Variants in ZC3H6 observed in about 807,000 individuals in gnomAD.
The protein encoded by ZC3H6 is zinc finger CCCH-type containing 6, also known as zinc finger CCCH domain-containing protein 6.
A neutral mutation model predicts 107.7 loss-of-function variants in ZC3H6; 40 were observed. The observed-to-expected ratio is 0.37, with a 90% CI of 0.29 to 0.48. The LOEUF is 0.48. Ranked by LOEUF, ZC3H6 falls within the 20% of genes least tolerant of loss-of-function variation. The probability of loss-of-function intolerance (pLI) is 0.98; values close to 1 mark genes in which losing one functional copy is unlikely to be tolerated. For synonymous variants in ZC3H6, 493 were observed against 487.9 expected, an observed-to-expected ratio of 1.01 and a Z score of -0.14; for missense variants, 1,267 against 1,410.4, an observed-to-expected ratio of 0.90 and a Z score of 1.63.
chr2:112,308,457 C>T (rs556545670), intron 3 of ZC3H6, among the ~76,000 whole-genome samples: 2 of 141,266 alleles, frequency 1.4e-5, no homozygotes, highest in African/African-American at 5.8e-5. Flanking sequence ...GACAGGTTCT[C>T]ACTGTGTCAC....
At chr2:112,279,999 C>G (rs1686498254) in intron 1 of ZC3H6, among the ~76,000 whole-genome samples, 1 of 152,214 alleles carries the variant, frequency 6.6e-6, no homozygotes, top group Admixed American at 6.5e-5. Context: ...GAGAGCCCTT[C>G]ATTTTGAATA....
intron 10 of ZC3H6, 90 bp downstream of exon 10, chr2:112,324,753 T>A: frequency 7.7e-7 from 1 of 1,297,200 alleles, no homozygotes. Flanking sequence ...AAGTTTTAAG[T>A]AAAGCTGAGT....
At chr2:112,284,106 C>A (rs2104693149) in intron 1 of ZC3H6, among the ~76,000 whole-genome samples, 1 of 152,264 alleles carries the variant, frequency 6.6e-6, no homozygotes, top group African/African-American at 2.4e-5. Context: ...ATGGATTTTT[C>A]TTGATTATTG....
At chr2:112,291,150 T>C (rs1178421372) in intron 1 of ZC3H6, among the ~76,000 whole-genome samples, 3 of 152,294 alleles carry the variant, frequency 2.0e-5, no homozygotes, top group African/African-American at 7.2e-5. Flanking sequence ...CTGTGTAAGC[T>C]AATCTCAGTT....
chr2:112,289,322 C>CT lies in ZC3H6; in HGVS notation c.33-10510dup, dbSNP rs1228912169. On this transcript the variant is annotated intron_variant, in intron 1 of 11. Transcript: ENST00000409871. The stretch of plus-strand genomic sequence containing the variant: ...CCCTGAACACTTTTTTTTTCTTTTT[C>CT]TTTTTTTTTTTTTTTTTGAGATGGA... Among the ~76,000 whole-genome samples, 299 of 65,418 alleles carry CT rather than the reference C, an allele frequency of 4.6e-3. 3 individuals are homozygous for CT. Among genetic ancestry groups the CT allele is most frequent in the East Asian group, 0.014 (26 of 1,820 alleles). The allele number at this position is 65,418 out of a possible 152,430, so 42.9% of individuals were successfully genotyped here.
chr2:112,319,228 A>C (rs1676755853), intron 7 of ZC3H6, among the ~76,000 whole-genome samples: 1 of 152,186 alleles, frequency 6.6e-6, no homozygotes, highest in Non-Finnish European at 1.5e-5. Context: ...CTGGCCAGGC[A>C]TGGTAGGTCA....
chr2:112,276,290 C>G (rs1686421017), intron 1 of ZC3H6, among the ~76,000 whole-genome samples: 1 of 149,928 alleles, frequency 6.7e-6, no homozygotes, highest in African/African-American at 2.4e-5. Flanking sequence ...CCCCCGCCCC[C>G]CGGGCGGGCT....
intron 1 of ZC3H6, among the ~76,000 whole-genome samples, chr2:112,289,327 T>TC (rs150113655): frequency 0.1 from 14,473 of 144,052 alleles, 502 homozygotes; most frequent in Non-Finnish European, 0.15. Flanking sequence ...TTTTTCTTTT[T>TC]TTTTTTTTTT....
In ZC3H6 at chr2:112,326,681, C is replaced by T. The variant is rs557966138; in HGVS notation, c.2086+1484C>T. On this transcript the variant is annotated intron_variant, in intron 11 of 11. Coordinates refer to ENST00000409871, the MANE Select transcript of ZC3H6 (RefSeq NM_198581.3). ...AGGCTGGGATTCAGTGACACGATCT[C>T]GGCTCACTGCAACCTCTCCCTCCCA... Among the ~76,000 whole-genome samples the T allele has an allele frequency of 8.5e-5, 13 of 152,216 alleles. No individual in the cohort carries two copies. The East Asian group carries it at 9.7e-4, about 11-fold the overall frequency.
intron 5 of ZC3H6, among the ~76,000 whole-genome samples, chr2:112,315,174 T>A (rs1676674514): frequency 6.6e-6 from 1 of 152,064 alleles, no homozygotes. Flanking sequence ...TGAAAAATAA[T>A]GTTGTTTTTT....
Position 112,324,430 on chromosome 2 carries a change from C to T in ZC3H6, c.1619C>T (p.Thr540Ile). 6.2e-7 allele frequency: 1 copy of T among 1,614,012 alleles called. No homozygotes were observed. Among genetic ancestry groups the T allele is most frequent in the South Asian group, 1.1e-5 (1 of 91,078 alleles). Residue 540 changes from threonine to isoleucine, a missense_variant, in exon 10 of 12, where the codon ACA becomes ATA. Transcript: ENST00000409871. ...NQAGVLVQPD[T>I]SLTPPSMGGA... ...GCTGGAGTGCTTGTTCAACCAGACA[C>T]ATCTTTGACACCACCAAGTATGGGT...
At chr2:112,309,777 C>G in intron 3 of ZC3H6, 108 bp from the exon 4 acceptor site, 1 of 1,113,248 alleles carries the variant, frequency 9.0e-7, no homozygotes, top group East Asian at 2.6e-5. Context: ...TAATAACTGT[C>G]TTTTCTCCTT....
chr2:112,310,883 A>G (rs1006602502), intron 4 of ZC3H6, among the ~76,000 whole-genome samples: 5 of 152,322 alleles, frequency 3.3e-5, no homozygotes, highest in Middle Eastern at 3.4e-3. Context: ...GGTTATTTCT[A>G]TGACTTTATT....
chr2:112,288,561 A>T (rs1459234675), intron 1 of ZC3H6, among the ~76,000 whole-genome samples: 2 of 152,226 alleles, frequency 1.3e-5, no homozygotes, highest in Admixed American at 6.5e-5. Flanking sequence ...GTTCATGTTC[A>T]TATAGGTAGT....
rs533530469 is a variant in ZC3H6, at chr2:112,331,972, C to A, written c.3054C>A (p.Ser1018=). ...PSGAGTSNSG[S]GALPPYAPKL... ...GGGCAGGAACTAGCAATTCTGGTTC[C>A]GGGGCTCTGCCTCCATATGCCCCTA... The change falls in exon 12 of 12, where the codon TCC becomes TCA. Residue 1018 remains serine (S), a synonymous_variant. Coordinates refer to ENST00000409871, the MANE Select transcript of ZC3H6 (RefSeq NM_198581.3). 1 of 1,613,980 alleles carries A rather than the reference C, an allele frequency of 6.2e-7. No homozygotes were observed. The highest frequency in any genetic ancestry group is 2.2e-5 in the East Asian group (1 of 44,876).
rs1302814553 is a variant in ZC3H6 at position 112,331,417 on chromosome 2, A to C, written c.2499A>C (p.Arg833Ser). 3 of 1,613,690 alleles carry C rather than the reference A, an allele frequency of 1.9e-6. No individual in the cohort carries two copies. The highest frequency in any genetic ancestry group is 2.5e-6 in the Non-Finnish European group (3 of 1,179,830). The change falls in exon 12 of 12, where the codon AGA becomes AGC. Residue 833 changes from arginine to serine, a missense_variant. Physicochemically the swap from Arg to Ser is moderately radical, Grantham distance 110. This residue lies in a region of ZC3H6 where 925 missense variants were observed against 1,025.7 expected (regional missense o/e 0.90). Coordinates refer to ENST00000409871, the MANE Select transcript of ZC3H6 (RefSeq NM_198581.3). Reference sequence around the variant, plus strand: ...ATGAAGATACAGAAAGAGAACTGAGAGAAAAAGCTTTCTTAATACCTTTGG... The same window carrying C: ...ATGAAGATACAGAAAGAGAACTGAGCGAAAAAGCTTTCTTAATACCTTTGG... ...DDDEDTERELREKAFLIPLDA... is the reference protein window; with the variant it reads ...DDDEDTERELSEKAFLIPLDA...
intron 5 of ZC3H6, among the ~76,000 whole-genome samples, chr2:112,313,861 G>A (rs963670023): frequency 3.9e-5 from 6 of 152,008 alleles, no homozygotes; most frequent in African/African-American, 1.4e-4. Context: ...TCAATTCGGG[G>A]TACCTTCAGA....
At position 112,338,901 on chromosome 2, in the gene ZC3H6, ATATATATATAT is replaced by A. The variant is rs1677192320; in HGVS notation, c.*6414_*6424del. 4.6e-5 allele frequency: 3 copies of A among 65,532 alleles called. No homozygotes were observed. The highest frequency in any genetic ancestry group is 8.6e-5 in the Non-Finnish European group (3 of 34,722). The allele number at this position is 65,532 out of a possible 1,614,324, so 4.1% of individuals were successfully genotyped here. A position where few individuals can be genotyped will look rare whatever the true frequency, so the allele number is the denominator to read the frequency against. ...TATATATATATATATATATATATAT[ATATATATATAT>A]AATTTTTTTTTTTTGAGACGGAGTC... On this transcript the variant is annotated 3_prime_UTR_variant, in exon 12 of 12. Transcript: ENST00000409871.
In ZC3H6 at chr2:112,336,983, T is replaced by C. The variant is rs1677145482; in HGVS notation, c.*4495T>C. On this transcript the variant is annotated 3_prime_UTR_variant, in exon 12 of 12. Transcript: ENST00000409871. ...TTCCTGACATCCATCCAAATGTCAC[T>C]TTTACAGATGCTGTCACCCGTTAAA... is the stretch of plus-strand genomic sequence containing the variant. The C allele has an allele frequency of 6.6e-6, 1 of 152,168 alleles. No homozygotes were observed. Among genetic ancestry groups the C allele is most frequent in the South Asian group, 2.1e-4 (1 of 4,826 alleles). 9.4% of individuals were successfully genotyped at this position (152,168 alleles called of 1,614,324 possible).
Sources: allele counts gnomAD v4.1 joint callset (sites outside exome capture counted in the v4.1 genomes callset), GRCh38; gene constraint gnomAD v4.1.1; regional missense constraint gnomAD v4.1.1; transcripts MANE v1.5; gene names NCBI Gene and HGNC (gene_info 2026-07-23, HGNC 2026-07-21).